Variants in CHD7 observed in about 807,000 individuals in gnomAD.
CHD7 encodes chromodomain helicase DNA binding protein 7.
Under a neutral mutation model 307.3 loss-of-function variants are expected in CHD7, and 24 were observed. The ratio of observed to expected loss-of-function variants is 0.08; its 90% CI spans 0.06 to 0.11. The LOEUF is 0.11. Ranked by LOEUF, CHD7 falls within the 10% of genes least tolerant of loss-of-function variation. The pLI is 1.00. For missense variants in CHD7, 3,106 were observed against 3,727.1 expected, an observed-to-expected ratio of 0.83 and a Z score of 4.34; for synonymous variants, 1,363 against 1,349.9, an observed-to-expected ratio of 1.01 and a Z score of -0.21.
chr8:60,851,339 TG>T lies in CHD7; in HGVS notation c.5665+21del. ...CCACAGGTAAGGTCCCAGAAAAGCT[TG>T]TGTAGCCGAGCAGACGTGCACTGAG... On this transcript the variant is annotated intron_variant, in intron 28 of 37. Coordinates refer to ENST00000423902, the MANE Select transcript of CHD7 (RefSeq NM_017780.4). 3.2e-6 allele frequency: 5 copies of T among 1,549,472 alleles called. 1 individual carries two copies. In the South Asian group the frequency reaches 4.8e-5, roughly 15 times the overall value.
rs552623595 is a variant in CHD7 at position 60,793,408 on chromosome 8, C to T, written c.2097-1578C>T. 9.3e-4 allele frequency among the ~76,000 whole-genome samples: 141 copies of T among 151,890 alleles called. 1 individual carries two copies. The highest frequency in any genetic ancestry group is 3.4e-3 in the Middle Eastern group (1 of 294). On this transcript the variant is annotated intron_variant, in intron 3 of 37. Transcript: ENST00000423902. ...TGTTATTTTCTTATGTAGCTATTTA[C>T]TATGCTAAAATGTTAACAAAATAAA...
chr8:60,705,751 A>G (rs573901849), intron 1 of CHD7, among the ~76,000 whole-genome samples: 2 of 152,210 alleles, frequency 1.3e-5, no homozygotes, highest in Non-Finnish European at 2.9e-5. Flanking sequence ...TATAAAGATA[A>G]TGGTGATGCA....
At chr8:60,803,918 A>T (rs1391288020) in intron 6 of CHD7, among the ~76,000 whole-genome samples, 1 of 152,186 alleles carries the variant, frequency 6.6e-6, no homozygotes, top group African/African-American at 2.4e-5. Flanking sequence ...AGGTGTCTTT[A>T]TCTCTGCCAG....
intron 26 of CHD7, 153 bp from the exon 27 acceptor site, chr8:60,850,879 G>C: frequency 1.5e-6 from 1 of 689,140 alleles, no homozygotes; most frequent in East Asian, 2.7e-5. Context: ...CACTGCCATG[G>C]CTGCATGTTT....
intron 7 of CHD7, among the ~76,000 whole-genome samples, chr8:60,808,518 G>A (rs893316298): frequency 1.3e-5 from 2 of 152,076 alleles, no homozygotes; most frequent in Non-Finnish European, 2.9e-5. Flanking sequence ...TTTTAGAGAG[G>A]ATAAAAACTT....
intron 1 of CHD7, among the ~76,000 whole-genome samples, chr8:60,732,099 G>T (rs1268924103): frequency 6.6e-6 from 1 of 152,052 alleles, no homozygotes; most frequent in Non-Finnish European, 1.5e-5. Flanking sequence ...GTTTTGTTTT[G>T]TTTTTTTCCC....
intron 2 of CHD7, among the ~76,000 whole-genome samples, chr8:60,744,198 C>T (rs540625457): frequency 6.6e-6 from 1 of 152,258 alleles, no homozygotes; most frequent in Admixed American, 6.5e-5. Flanking sequence ...AAGCTTGCTG[C>T]AGGGAATAGG....
At chr8:60,715,330 T>TA (rs1408838722) in intron 1 of CHD7, among the ~76,000 whole-genome samples, 2 of 150,950 alleles carry the variant, frequency 1.3e-5, no homozygotes, top group African/African-American at 4.9e-5. Flanking sequence ...CTCTGCCTTT[T>TA]TTTTTTTTTT....
At chr8:60,857,496 T>A (rs1805768566) in intron 34 of CHD7, among the ~76,000 whole-genome samples, 1 of 152,254 alleles carries the variant, frequency 6.6e-6, no homozygotes, top group African/African-American at 2.4e-5. Context: ...CCCAAAAATG[T>A]GGTGCCTGAC....
At chr8:60,843,286 AC>A (rs147453655) in intron 21 of CHD7, among the ~76,000 whole-genome samples, 3 of 151,800 alleles carry the variant, frequency 2.0e-5, no homozygotes, top group Non-Finnish European at 4.4e-5. Flanking sequence ...GCAGAGACTC[AC>A]CCCCTGCGTC....
Position 60,860,991 on chromosome 8 carries a change from G to T in CHD7, c.7696G>T (p.Asp2566Tyr). Reference protein sequence around the residue: ...NIPSPGQLDPDTRIPVINLED... With the variant: ...NIPSPGQLDPYTRIPVINLED... ...TCCTTCTCCCGGACAGCTGGACCCAGACACACGGATCCCTGTTATCAATCT... is the reference window on the plus strand; with the variant it reads ...TCCTTCTCCCGGACAGCTGGACCCATACACACGGATCCCTGTTATCAATCT... Residue 2566 changes from aspartate to tyrosine, a missense_variant, in exon 35 of 38, where the codon GAC becomes TAC. Asp to Tyr is a radical substitution (Grantham distance 160, BLOSUM62 -3). This residue lies in a region of CHD7 where 1,030 missense variants were observed against 1,165.4 expected (regional missense o/e 0.88). Transcript: ENST00000423902. The T allele has an allele frequency of 1.9e-6, 3 of 1,614,010 alleles. No individual in the cohort carries two copies. The highest frequency in any genetic ancestry group is 2.5e-6 in the Non-Finnish European group (3 of 1,179,902).
chr8:60,811,817 G>GT (rs1459468142), intron 7 of CHD7, among the ~76,000 whole-genome samples: 3 of 152,008 alleles, frequency 2.0e-5, no homozygotes, highest in African/African-American at 7.3e-5. Context: ...GCAAACACCT[G>GT]TTTCCCCACA....
chr8:60,840,194 T>C (rs1804910104), intron 19 of CHD7, among the ~76,000 whole-genome samples: 1 of 152,248 alleles, frequency 6.6e-6, no homozygotes, highest in African/African-American at 2.4e-5. Flanking sequence ...TCGTTTTGCA[T>C]GTGGCTATCC....
intron 1 of CHD7, among the ~76,000 whole-genome samples, chr8:60,727,805 A>G (rs1392875937): frequency 6.6e-6 from 1 of 152,116 alleles, no homozygotes; most frequent in African/African-American, 2.4e-5. Context: ...TGTCTCCTGG[A>G]GAGCTCTGTG....
At chr8:60,794,896 T>G (rs1449863921) in intron 3 of CHD7, 90 bp from the exon 4 acceptor site, 2 of 1,208,754 alleles carry the variant, frequency 1.7e-6, no homozygotes, top group East Asian at 4.8e-5. Context: ...CAGTTGTCAT[T>G]GATACTTTTG....
At chr8:60,720,944 G>A (rs374286914) in intron 1 of CHD7, among the ~76,000 whole-genome samples, 1 of 152,202 alleles carries the variant, frequency 6.6e-6, no homozygotes, top group South Asian at 2.1e-4. Context: ...TTAGAGCCCT[G>A]CTCAGCAGCC....
Position 60,781,204 on chromosome 8 carries a change from G to A in CHD7, c.1870G>A (p.Val624Ile), listed in dbSNP as rs765870281. The A allele has an allele frequency of 6.3e-6, 10 of 1,599,260 alleles. No individual in the cohort carries two copies. The highest frequency in any genetic ancestry group is 4.0e-5 in the African/African-American group (3 of 74,626). The change falls in exon 3 of 38, where the codon GTA becomes ATA. Residue 624 changes from valine (V) to isoleucine (I), a missense_variant. This residue lies in a region of CHD7 where 998 missense variants were observed against 1,004.5 expected (regional missense o/e 0.99). Coordinates refer to ENST00000423902, the MANE Select transcript of CHD7 (RefSeq NM_017780.4). ...GFGKDDFPGG[V>I]DNQELNRNSL... ...TGGTAAAGATGACTTCCCTGGTGGG[G>A]TAGATAACCAAGAACTAAATAGGAA...
In CHD7 at chr8:60,836,874, C is replaced by T. The variant is rs747100145; in HGVS notation, c.4047C>T (p.Ile1349=). 29 of 1,613,760 alleles carry T rather than the reference C, an allele frequency of 1.8e-5. No homozygotes were observed. Among genetic ancestry groups the T allele is most frequent in the Admixed American group, 6.7e-5 (4 of 60,004 alleles). Residue 1349 remains isoleucine (I), a synonymous_variant, in exon 17 of 38, where the codon ATC becomes ATT. Transcript: ENST00000423902. Reference sequence around the variant, plus strand: ...GAGGCAACCTCCGCCAGGCAGCTATCGACAGATTCTCCAAACCTGATTCTG... The same window carrying T: ...GAGGCAACCTCCGCCAGGCAGCTATTGACAGATTCTCCAAACCTGATTCTG... ...RVRGNLRQAA[I]DRFSKPDSDR... is the part of the protein sequence containing the mutation.
intron 7 of CHD7, among the ~76,000 whole-genome samples, chr8:60,811,949 G>T (rs1178224113): frequency 6.6e-6 from 1 of 151,992 alleles, no homozygotes; most frequent in African/African-American, 2.4e-5. Context: ...AAGATTAATG[G>T]CCACTTTTTA....
Sources: allele counts gnomAD v4.1 joint callset (sites outside exome capture counted in the v4.1 genomes callset), GRCh38; gene constraint gnomAD v4.1.1; regional missense constraint gnomAD v4.1.1; transcripts MANE v1.5; gene names NCBI Gene and HGNC (gene_info 2026-07-23, HGNC 2026-07-21).